ABHD13: variants seen among roughly 807,000 people sequenced by gnomAD.
ABHD13 encodes abhydrolase domain containing 13, also known as protein ABHD13.
A neutral mutation model predicts 25.2 loss-of-function variants in ABHD13; 7 were observed. The ratio of observed to expected loss-of-function variants is 0.28; its 90% CI spans 0.16 to 0.52. ABHD13 has a LOEUF of 0.52. ABHD13 is among the 20% of genes least tolerant of loss of function. The probability of loss-of-function intolerance (pLI) is 0.96; values close to 1 mark genes in which losing one functional copy is unlikely to be tolerated. For synonymous variants in ABHD13, 133 were observed against 136.1 expected (o/e 0.98, Z 0.16); for missense variants, 302 against 402.7 (o/e 0.75, Z 2.14).
chr13:108,224,453 C>T (rs1347971597), intron 1 of ABHD13, among the ~76,000 whole-genome samples: 1 of 152,154 alleles, frequency 6.6e-6, no homozygotes, highest in South Asian at 2.1e-4. Flanking sequence ...TCATACCATT[C>T]GTAGTGGGCA....
At chr13:108,218,968 T>G (rs1317045684) in intron 1 of ABHD13, among the ~76,000 whole-genome samples, 1 of 152,118 alleles carries the variant, frequency 6.6e-6, no homozygotes, top group East Asian at 1.9e-4. Flanking sequence ...TGCCAGAGGC[T>G]CGCCGGGTGT....
intron 1 of ABHD13, among the ~76,000 whole-genome samples, chr13:108,225,341 A>C (rs147155142): frequency 2.0e-5 from 3 of 152,266 alleles, no homozygotes; most frequent in Non-Finnish European, 4.4e-5. Flanking sequence ...CAGGTGTGAT[A>C]ATTGGAGCCA....
At chr13:108,226,718 A>G (rs1879681047) in intron 1 of ABHD13, among the ~76,000 whole-genome samples, 1 of 152,156 alleles carries the variant, frequency 6.6e-6, no homozygotes, top group African/African-American at 2.4e-5. Context: ...AGTTGTTTTT[A>G]CATCTCAGCA....
intron 1 of ABHD13, among the ~76,000 whole-genome samples, chr13:108,223,961 G>C (rs933593294): frequency 6.6e-6 from 1 of 152,218 alleles, no homozygotes; most frequent in South Asian, 2.1e-4. Context: ...ACAGACAGCT[G>C]TTTGATGGAA....
chr13:108,227,160 GA>G (rs1245960720), intron 1 of ABHD13, among the ~76,000 whole-genome samples: 5 of 152,042 alleles, frequency 3.3e-5, no homozygotes, highest in Non-Finnish European at 7.4e-5. Context: ...ATGTTTTGTG[GA>G]AAACGGTAAG....
In ABHD13 at chr13:108,232,609, G is replaced by A. The variant is rs1594494707; in HGVS notation, c.*2377G>A. ...TTGCTTAGTGGGAATGGAAGTATAT[G>A]TATCTATCTTGTGTATTAACTTCTG... On this transcript the variant is annotated 3_prime_UTR_variant, in exon 2 of 2. Coordinates refer to ENST00000375898, the MANE Select transcript of ABHD13 (RefSeq NM_032859.3). 6.0e-6 allele frequency: 1 copy of A among 166,882 alleles called. No homozygotes were observed. Among genetic ancestry groups the A allele is most frequent in the East Asian group, 1.9e-4 (1 of 5,192 alleles). 10.3% of individuals were successfully genotyped at this position (166,882 alleles called of 1,614,324 possible). A position where few individuals can be genotyped will look rare whatever the true frequency, so the allele number is the denominator to read the frequency against.
chr13:108,230,401 C>CTG lies in ABHD13; in HGVS notation c.*170_*171insGT, dbSNP rs36036056. ...CAAATAGTTTTTTACATTGGAAAAA[C>CTG]TAATTCTTGGGATTCTTTCATACAT... is the stretch of plus-strand genomic sequence containing the variant. On this transcript the variant is annotated 3_prime_UTR_variant, in exon 2 of 2. Transcript: ENST00000375898. The CTG allele has an allele frequency of 0.053, 31,325 of 587,634 alleles. 953 individuals are homozygous for CTG. The highest frequency in any genetic ancestry group is 0.087 in the East Asian group (2,876 of 32,962). The allele number at this position is 587,634 out of a possible 1,614,324, so 36.4% of individuals were successfully genotyped here. A position where few individuals can be genotyped will look rare whatever the true frequency, so the allele number is the denominator to read the frequency against.
chr13:108,229,579 C>A lies in ABHD13; in HGVS notation c.361C>A (p.His121Asn), dbSNP rs1346297343. The A allele has an allele frequency of 6.2e-7, 1 of 1,613,268 alleles. No homozygotes were observed. The highest frequency in any genetic ancestry group is 8.5e-7 in the Non-Finnish European group (1 of 1,179,554). ...SPYSPTIIYF[H>N]GNAGNIGHRL... Reference sequence around the variant, plus strand: ...CTATTCCCCAACTATAATTTATTTTCATGGGAATGCAGGCAACATAGGTCA... The same window carrying A: ...CTATTCCCCAACTATAATTTATTTTAATGGGAATGCAGGCAACATAGGTCA... The change falls in exon 2 of 2, where the codon CAT becomes AAT. Residue 121 changes from histidine (H) to asparagine (N), a missense_variant. Transcript: ENST00000375898. The surrounding 1 kb of genome is among the most constrained non-coding windows in gnomAD (Gnocchi z 4.7).
rs1457336747 is a variant in ABHD13 at position 108,232,615 on chromosome 13, A to G, written c.*2383A>G. 3 of 166,808 alleles carry G rather than the reference A, an allele frequency of 1.8e-5. No homozygotes were observed. Among genetic ancestry groups the G allele is most frequent in the Non-Finnish European group, 1.5e-5 (1 of 68,036 alleles). 10.3% of individuals were successfully genotyped at this position (166,808 alleles called of 1,614,324 possible). ...AGTGGGAATGGAAGTATATGTATCT[A>G]TCTTGTGTATTAACTTCTGACTTAT... On this transcript the variant is annotated 3_prime_UTR_variant, in exon 2 of 2. Transcript: ENST00000375898.
chr13:108,227,189 C>T (rs1032346126), intron 1 of ABHD13, among the ~76,000 whole-genome samples: 18 of 152,144 alleles, frequency 1.2e-4, no homozygotes, highest in Middle Eastern at 6.8e-3. Context: ...CTTATTATTC[C>T]TAGCCAGTAA....
rs1416250597 is a variant in ABHD13, at chr13:108,231,888, G to A, written c.*1656G>A. 1.8e-5 allele frequency: 3 copies of A among 166,722 alleles called. No individual in the cohort carries two copies. Among genetic ancestry groups the A allele is most frequent in the Non-Finnish European group, 4.4e-5 (3 of 67,950 alleles). The allele number at this position is 166,722 out of a possible 1,614,324, so 10.3% of individuals were successfully genotyped here. A position where few individuals can be genotyped will look rare whatever the true frequency, so the allele number is the denominator to read the frequency against. On this transcript the variant is annotated 3_prime_UTR_variant, in exon 2 of 2. Transcript: ENST00000375898. ...AATGTTTTTCTATAAATTACTAATT[G>A]TAAAAAGTCTTGCTTTTTAAAACAA...
In ABHD13 at chr13:108,230,912, A is replaced by G. The variant is rs889239101; in HGVS notation, c.*680A>G. 1 of 166,878 alleles carries G rather than the reference A, an allele frequency of 6.0e-6. No individual in the cohort carries two copies. Among genetic ancestry groups the G allele is most frequent in the Non-Finnish European group, 1.5e-5 (1 of 67,974 alleles). 10.3% of individuals were successfully genotyped at this position (166,878 alleles called of 1,614,324 possible). A position where few individuals can be genotyped will look rare whatever the true frequency, so the allele number is the denominator to read the frequency against. On this transcript the variant is annotated 3_prime_UTR_variant, in exon 2 of 2. Coordinates refer to ENST00000375898, the MANE Select transcript of ABHD13 (RefSeq NM_032859.3). Reference sequence around the variant, plus strand: ...AATAAATGGGACCCTGTTTTCCAATACAAATGTACCGTGTTTTTGTTAGGT... The same window carrying G: ...AATAAATGGGACCCTGTTTTCCAATGCAAATGTACCGTGTTTTTGTTAGGT...
Position 108,223,176 on chromosome 13 carries a change from A to G in ABHD13, c.-21+4517A>G, listed in dbSNP as rs947305922. Among the ~76,000 whole-genome samples, 13 of 152,288 alleles carry G rather than the reference A, an allele frequency of 8.5e-5. 1 individual carries two copies. The South Asian group carries it at 2.5e-3, about 29-fold the overall frequency. ...TATATTGGTTTATGGAGTTATGCAGATTTTTCCAAATGGTGACATGTTTAA... is the reference window on the plus strand; with the variant it reads ...TATATTGGTTTATGGAGTTATGCAGGTTTTTCCAAATGGTGACATGTTTAA... On this transcript the variant is annotated intron_variant, in intron 1 of 1. Coordinates refer to ENST00000375898, the MANE Select transcript of ABHD13 (RefSeq NM_032859.3).
Position 108,232,250 on chromosome 13 carries a change from A to T in ABHD13, c.*2018A>T, listed in dbSNP as rs555001301. 1 of 166,818 alleles carries T rather than the reference A, an allele frequency of 6.0e-6. No homozygotes were observed. Among genetic ancestry groups the T allele is most frequent in the Non-Finnish European group, 1.5e-5 (1 of 67,972 alleles). The allele number at this position is 166,818 out of a possible 1,614,324, so 10.3% of individuals were successfully genotyped here. A position where few individuals can be genotyped will look rare whatever the true frequency, so the allele number is the denominator to read the frequency against. On this transcript the variant is annotated 3_prime_UTR_variant, in exon 2 of 2. Coordinates refer to ENST00000375898, the MANE Select transcript of ABHD13 (RefSeq NM_032859.3). ...TTTTATGCTGCTTTTTCTTTTTGAT[A>T]CTCCAGGTTTATAAACTATCTTTTA...
Position 108,230,355 on chromosome 13 carries a change from C to A in ABHD13, c.*123C>A. Reference sequence around the variant, plus strand: ...GTGACATTAAACTTTGAAAGGACTTCACTGCTCCTTTACGATATTCCAAAT... The same window carrying A: ...GTGACATTAAACTTTGAAAGGACTTAACTGCTCCTTTACGATATTCCAAAT... On this transcript the variant is annotated 3_prime_UTR_variant, in exon 2 of 2. Transcript: ENST00000375898. 1 of 781,430 alleles carries A rather than the reference C, an allele frequency of 1.3e-6. No individual in the cohort carries two copies. Among genetic ancestry groups the A allele is most frequent in the Non-Finnish European group, 2.0e-6 (1 of 503,232 alleles). The allele number at this position is 781,430 out of a possible 1,614,324, so 48.4% of individuals were successfully genotyped here.
intron 1 of ABHD13, among the ~76,000 whole-genome samples, chr13:108,225,365 A>G (rs1879653315): frequency 1.3e-5 from 2 of 152,170 alleles, no homozygotes; most frequent in South Asian, 4.1e-4. Flanking sequence ...AAAGGAATGA[A>G]ATCACTGAGG....
chr13:108,233,701 C>CTATA lies in ABHD13; in HGVS notation c.*3480_*3483dup, dbSNP rs142217345. 6.1e-6 allele frequency: 1 copy of CTATA among 162,850 alleles called. No individual in the cohort carries two copies. Among genetic ancestry groups the CTATA allele is most frequent in the East Asian group, 2.0e-4 (1 of 5,102 alleles). 10.1% of individuals were successfully genotyped at this position (162,850 alleles called of 1,614,324 possible). On this transcript the variant is annotated 3_prime_UTR_variant, in exon 2 of 2. Coordinates refer to ENST00000375898, the MANE Select transcript of ABHD13 (RefSeq NM_032859.3). ...AATGTACTTCTGTTTATTCTTAATA[C>CTATA]TATATATATATATACACACATAGTT... is the stretch of plus-strand genomic sequence containing the variant.
intron 1 of ABHD13, among the ~76,000 whole-genome samples, chr13:108,219,361 CT>C (rs1188704849): frequency 2.0e-5 from 3 of 152,100 alleles, no homozygotes; most frequent in Non-Finnish European, 4.4e-5. Flanking sequence ...TTTAACAACT[CT>C]TATTTATGTT....
chr13:108,233,901 G>A lies in ABHD13; in HGVS notation c.*3669G>A, dbSNP rs772889079. 1.1e-3 allele frequency: 179 copies of A among 166,686 alleles called. No homozygotes were observed. Among genetic ancestry groups the A allele is most frequent in the Non-Finnish European group, 1.7e-3 (113 of 67,922 alleles). The allele number at this position is 166,686 out of a possible 1,614,324, so 10.3% of individuals were successfully genotyped here. On this transcript the variant is annotated 3_prime_UTR_variant, in exon 2 of 2. Transcript: ENST00000375898. ...GAGACACTTTTTTACAAAAAGTGCC[G>A]TATATACATATGTAACAGGTGAGTG...
Sources: gnomAD v4.1 joint callset for allele counts (sites outside exome capture counted in the v4.1 genomes callset) on GRCh38, gnomAD v4.1.1 for gene constraint, Gnocchi (gnomAD v3.1) non-coding constraint, MANE v1.5 for transcripts, NCBI Gene and HGNC (gene_info 2026-07-23, HGNC 2026-07-21) for gene names.